JADE2: variants seen among roughly 807,000 people sequenced by gnomAD.
The protein encoded by JADE2 is E3 ubiquitin-protein ligase Jade-2.
In JADE2, 13 loss-of-function variants were observed where a neutral mutation model predicts 85.7. The observed-to-expected ratio is 0.15, with a 90% confidence interval of 0.10 to 0.24. The LOEUF (loss-of-function observed/expected upper bound fraction) is 0.24, where lower values mean the gene tolerates loss of function less well. Ranked by LOEUF, JADE2 falls within the 10% of genes least tolerant of loss-of-function variation. The pLI is 1.00. For synonymous variants in JADE2, 440 were observed against 456.1 expected (o/e 0.96, Z 0.45); for missense variants, 846 against 1,115.9 (o/e 0.76, Z 3.45).
chr5:134,526,167 C>T (rs1760797798), intron 1 of JADE2, 156 bp downstream of exon 1: 1 of 985,370 alleles, frequency 1.0e-6, no homozygotes, highest in Non-Finnish European at 1.2e-6. Flanking sequence ...GAAGCCAGCG[C>T]GGAGAGGGGG....
rs191764386 is a variant in JADE2 at position 134,574,250 on chromosome 5, G to A, written c.1552+488G>A. ...AACAGGATTTATGCCCTGCATCCGC[G>A]GTGTTTTTCACTGTTTCATTCTTAT... On this transcript the variant is annotated intron_variant, in intron 10 of 11. Transcript: ENST00000681547. The A allele has an allele frequency of 3.2e-4, 67 of 207,218 alleles. 1 individual carries two copies. The East Asian group carries it at 6.8e-3, about 21-fold the overall frequency. 12.8% of individuals were successfully genotyped at this position (207,218 alleles called of 1,614,324 possible).
At chr5:134,547,045 T>C (rs560248843) in intron 3 of JADE2, among the ~76,000 whole-genome samples, 1 of 152,354 alleles carries the variant, frequency 6.6e-6, no homozygotes, top group Non-Finnish European at 1.5e-5. Flanking sequence ...GAAAGTTGCC[T>C]TTTGTCACTA....
intron 10 of JADE2, chr5:134,574,030 C>T: frequency 1.9e-6 from 1 of 532,386 alleles, no homozygotes; most frequent in Admixed American, 3.1e-5. Flanking sequence ...TTGACTAGGC[C>T]ACAGCAGTTC....
intron 3 of JADE2, among the ~76,000 whole-genome samples, chr5:134,548,134 C>T (rs910370456): frequency 6.6e-6 from 1 of 152,208 alleles, no homozygotes. Context: ...CTCTGCAGTT[C>T]AGTGTGGGCA....
At chr5:134,538,587 T>C (rs1761749177) in intron 3 of JADE2, among the ~76,000 whole-genome samples, 1 of 152,180 alleles carries the variant, frequency 6.6e-6, no homozygotes, top group Non-Finnish European at 1.5e-5. Context: ...GAAGCCTTCC[T>C]TACTTTGACC....
chr5:134,525,164 C>CTT (rs763345253), upstream of JADE2, among the ~76,000 whole-genome samples: 320 of 133,824 alleles, frequency 2.4e-3, 1 homozygote, highest in African/African-American at 8.2e-3. Context: ...TATAAGCTCG[C>CTT]TTTTTTTTTT....
intron 4 of JADE2, among the ~76,000 whole-genome samples, chr5:134,557,201 A>G (rs1051581140): frequency 6.7e-6 from 1 of 150,368 alleles, no homozygotes; most frequent in African/African-American, 2.5e-5. Flanking sequence ...TATTGTTGTT[A>G]TTATGATGAT....
chr5:134,562,167 C>T lies in JADE2; in HGVS notation c.685-33C>T, dbSNP rs1234612062. The T allele has an allele frequency of 6.4e-7, 1 of 1,569,238 alleles. No individual in the cohort carries two copies. Among genetic ancestry groups the T allele is most frequent in the South Asian group, 1.2e-5 (1 of 84,488 alleles). ...CTGACCAGACACAGATTGGCCAGTT[C>T]CGCTGACTCATGACCACCCTGCTCT... On this transcript the variant is annotated intron_variant, in intron 6 of 11. Coordinates refer to ENST00000681547, the MANE Select transcript of JADE2 (RefSeq NM_001388185.1). This position sits in a 1 kb window ranked among gnomAD's most constrained non-coding sequence, Gnocchi z 4.6.
chr5:134,569,106 G>T (rs1216415103), intron 9 of JADE2, among the ~76,000 whole-genome samples: 1 of 152,264 alleles, frequency 6.6e-6, no homozygotes, highest in Non-Finnish European at 1.5e-5. Context: ...ATAAGGATCA[G>T]ACTGACCTTG....
Position 134,566,535 on chromosome 5 carries a change from C to T in JADE2, c.1389C>T (p.Tyr463=), listed in dbSNP as rs778052399. Residue 463 remains tyrosine, a synonymous_variant, in exon 9 of 12, where the codon TAC becomes TAT. Transcript: ENST00000681547. This position sits in a 1 kb window ranked among gnomAD's most constrained non-coding sequence, Gnocchi z 6.7. ...CCCAGCAGGAGCAGGACGTCCTCTA[C>T]CGCCGCCTGAAGCTCTTCACCCATC... ...NLAQQEQDVL[Y]RRLKLFTHLR... 2.5e-6 allele frequency: 4 copies of T among 1,588,754 alleles called. No homozygotes were observed. In the South Asian group the frequency reaches 3.4e-5, roughly 14 times the overall value.
At chr5:134,558,626 C>T (rs1219233557) in intron 4 of JADE2, among the ~76,000 whole-genome samples, 2 of 152,256 alleles carry the variant, frequency 1.3e-5, no homozygotes, top group Non-Finnish European at 2.9e-5. Flanking sequence ...ACAGCCTCCG[C>T]CTCCCGGGTT....
intron 3 of JADE2, among the ~76,000 whole-genome samples, chr5:134,541,527 G>A (rs1245137199): frequency 2.0e-5 from 3 of 152,206 alleles, no homozygotes; most frequent in African/African-American, 7.2e-5. Flanking sequence ...TCAATCCCCT[G>A]GAGTATGAAG....
chr5:134,577,876 T>C (rs1017094224), intron 11 of JADE2, among the ~76,000 whole-genome samples: 2 of 151,892 alleles, frequency 1.3e-5, no homozygotes, highest in Non-Finnish European at 1.5e-5. Context: ...GACTGGATAC[T>C]GCTTGCTACC....
At chr5:134,534,759 CAG>C (rs1044820508) in intron 1 of JADE2, among the ~76,000 whole-genome samples, 45 of 152,286 alleles carry the variant, frequency 3.0e-4, no homozygotes, top group African/African-American at 1.0e-3. Flanking sequence ...TCAGGGAACA[CAG>C]GGGAGCGTGC....
intron 10 of JADE2, chr5:134,574,340 C>A (rs191326759): frequency 5.6e-6 from 1 of 177,016 alleles, no homozygotes; most frequent in African/African-American, 2.4e-5. Context: ...GAAGGAAGCG[C>A]TGACATTGAT....
chr5:134,572,857 G>T (rs941003745), intron 9 of JADE2, among the ~76,000 whole-genome samples: 1 of 152,256 alleles, frequency 6.6e-6, no homozygotes, highest in African/African-American at 2.4e-5. Context: ...GCAAGCTGGT[G>T]TCTAAGGCCC....
chr5:134,566,436 C>T lies in JADE2; in HGVS notation c.1290C>T (p.Tyr430=), dbSNP rs1307938560. 6.2e-7 allele frequency: 1 copy of T among 1,613,950 alleles called. No homozygotes were observed. Among genetic ancestry groups the T allele is most frequent in the Non-Finnish European group, 8.5e-7 (1 of 1,179,954 alleles). Residue 430 remains tyrosine, a synonymous_variant, in exon 9 of 12, where the codon TAC becomes TAT. Transcript: ENST00000681547. This position sits in a 1 kb window ranked among gnomAD's most constrained non-coding sequence, Gnocchi z 6.7. The part of the protein sequence containing the change: ...AEALVDFIYQ[Y]WKLKRKANAN... Reference sequence around the variant, plus strand: ...CACTGGTCGACTTCATCTACCAGTACTGGAAGCTGAAGAGGAAAGCCAATG... The same window carrying T: ...CACTGGTCGACTTCATCTACCAGTATTGGAAGCTGAAGAGGAAAGCCAATG...
At chr5:134,524,625 A>G (rs1760695001), upstream of JADE2, among the ~76,000 whole-genome samples, 1 of 152,034 alleles carries the variant, frequency 6.6e-6, no homozygotes, top group Non-Finnish European at 1.5e-5. Context: ...AGGATGTGCA[A>G]CCACCCACCC....
At chr5:134,572,993 G>A (rs1764132496) in intron 9 of JADE2, among the ~76,000 whole-genome samples, 2 of 152,018 alleles carry the variant, frequency 1.3e-5, no homozygotes, top group Non-Finnish European at 1.5e-5. Flanking sequence ...CCAGCATGGC[G>A]TGAGCCTGGC....
Sources: gnomAD v4.1 joint callset for allele counts (sites outside exome capture counted in the v4.1 genomes callset) on GRCh38, gnomAD v4.1.1 for gene constraint, Gnocchi (gnomAD v3.1) non-coding constraint, MANE v1.5 for transcripts, NCBI Gene and HGNC (gene_info 2026-07-23, HGNC 2026-07-21) for gene names.